The following MCTP1 variants were observed in gnomAD, a reference collection of about 807,000 sequenced individuals.
MCTP1 encodes the protein multiple C2 and transmembrane domain-containing protein 1.
Under a neutral mutation model 120.6 loss-of-function variants are expected in MCTP1, and 69 were observed. The observed-to-expected ratio is 0.57, with a 90% CI of 0.47 to 0.70. The LOEUF (loss-of-function observed/expected upper bound fraction) is 0.70, where lower values mean the gene tolerates loss of function less well. MCTP1 is among the 30% of genes least tolerant of loss of function. The pLI is 0.00. For missense variants in MCTP1, 1,203 were observed against 1,248.8 expected (o/e 0.96, Z 0.55); for synonymous variants, 529 against 493.1 (o/e 1.07, Z -0.96).
chr5:95,001,038 C>A (rs309810), intron 2 of MCTP1, among the ~76,000 whole-genome samples: 97,363 of 152,038 alleles, frequency 0.64, 32,435 homozygotes, highest in Middle Eastern at 0.78. Context: ...GCTGTTCTCA[C>A]GATAGTGAGT....
At chr5:95,258,961 G>A (rs1036276131) in intron 1 of MCTP1, among the ~76,000 whole-genome samples, 1 of 152,132 alleles carries the variant, frequency 6.6e-6, no homozygotes, top group African/African-American at 2.4e-5. Flanking sequence ...TATGGGAGCA[G>A]AAAATGAAGG....
At chr5:95,168,503 C>T (rs909402957) in intron 1 of MCTP1, among the ~76,000 whole-genome samples, 78 of 152,242 alleles carry the variant, frequency 5.1e-4, no homozygotes, top group Non-Finnish European at 4.0e-4. Context: ...GCCATTTTCA[C>T]GATATTGATT....
intron 2 of MCTP1, among the ~76,000 whole-genome samples, chr5:94,992,558 C>T (rs984642816): frequency 6.6e-6 from 1 of 152,216 alleles, no homozygotes; most frequent in African/African-American, 2.4e-5. Context: ...CAATTCCAAT[C>T]TCAAGCTCCT....
At chr5:94,823,763 C>A (rs1246963028) in intron 17 of MCTP1, among the ~76,000 whole-genome samples, 1 of 152,114 alleles carries the variant, frequency 6.6e-6, no homozygotes, top group East Asian at 1.9e-4. Flanking sequence ...CCTTCACATC[C>A]CTTGTAAGCT....
chr5:94,849,941 G>A (rs1292307085), intron 17 of MCTP1, among the ~76,000 whole-genome samples: 1 of 152,102 alleles, frequency 6.6e-6, no homozygotes, highest in African/African-American at 2.4e-5. Context: ...GGTCCTTTTG[G>A]CTTTTAATTA....
intron 1 of MCTP1, among the ~76,000 whole-genome samples, chr5:95,272,104 T>C (rs538135310): frequency 1.2e-3 from 182 of 152,302 alleles, no homozygotes; most frequent in South Asian, 4.8e-3. Context: ...GTGAAAAATA[T>C]GATATGCATG....
intron 17 of MCTP1, among the ~76,000 whole-genome samples, chr5:94,853,023 G>A (rs1198996803): frequency 6.6e-6 from 1 of 151,950 alleles, no homozygotes; most frequent in Non-Finnish European, 1.5e-5. Context: ...GGTTCAGAAA[G>A]CTGCAGTAAT....
intron 2 of MCTP1, among the ~76,000 whole-genome samples, chr5:94,968,647 T>C (rs1287272731): frequency 6.6e-6 from 1 of 152,230 alleles, no homozygotes; most frequent in East Asian, 1.9e-4. Context: ...AATAGCTTCA[T>C]ATGCCAGTGC....
intron 1 of MCTP1, among the ~76,000 whole-genome samples, chr5:95,116,021 G>T (rs895335684): frequency 2.6e-5 from 4 of 151,546 alleles, no homozygotes; most frequent in Admixed American, 2.6e-4. Flanking sequence ...TACTCCAGAA[G>T]AATATGTCTA....
chr5:95,156,684 C>T (rs1286232315), intron 1 of MCTP1, among the ~76,000 whole-genome samples: 3 of 152,146 alleles, frequency 2.0e-5, no homozygotes, highest in African/African-American at 4.8e-5. Context: ...TAATTAGGTG[C>T]CAACTTAAGA....
At chr5:95,211,478 G>T (rs957985452) in intron 1 of MCTP1, among the ~76,000 whole-genome samples, 1 of 152,036 alleles carries the variant, frequency 6.6e-6, no homozygotes, top group Non-Finnish European at 1.5e-5. Context: ...GGCTCCTGAG[G>T]CTTCTGCATT....
intron 17 of MCTP1, chr5:94,867,596 C>T: frequency 2.4e-6 from 1 of 413,994 alleles, no homozygotes; most frequent in East Asian, 3.6e-5. Flanking sequence ...AAAAGAATGA[C>T]TCTACTTAAA....
intron 1 of MCTP1, among the ~76,000 whole-genome samples, chr5:95,139,776 A>G (rs961819854): frequency 6.6e-6 from 1 of 152,230 alleles, no homozygotes; most frequent in African/African-American, 2.4e-5. Context: ...GAGCTCCTTA[A>G]AAGTGAAAAT....
chr5:95,282,816 C>T (rs1245908497), intron 1 of MCTP1, among the ~76,000 whole-genome samples: 1 of 152,164 alleles, frequency 6.6e-6, no homozygotes, highest in Non-Finnish European at 1.5e-5. Flanking sequence ...AACTGAAAGC[C>T]TATCTATTCC....
rs917258699 is a variant in MCTP1, at chr5:94,722,820, A to C, written c.2611-7934T>G. 2.6e-5 allele frequency among the ~76,000 whole-genome samples: 4 copies of C among 152,168 alleles called. No individual in the cohort carries two copies. The East Asian group carries it at 5.8e-4, about 22-fold the overall frequency. On this transcript the variant is annotated intron_variant, in intron 19 of 22. Transcript: ENST00000515393. Reference sequence around the variant, plus strand: ...CTCTTCTTTGGACAAGTATAGACTCACATAGCACAACGTCTAAAATTATGT... The same window carrying C: ...CTCTTCTTTGGACAAGTATAGACTCCCATAGCACAACGTCTAAAATTATGT...
At chr5:94,819,117 T>TCA (rs879560620) in intron 17 of MCTP1, among the ~76,000 whole-genome samples, 5,562 of 145,984 alleles carry the variant, frequency 0.038, 153 homozygotes, top group Middle Eastern at 0.1. Flanking sequence ...ATTTATTTAT[T>TCA]TATTCATTCA....
chr5:94,983,473 G>A (rs891381308), intron 2 of MCTP1, among the ~76,000 whole-genome samples: 1 of 152,090 alleles, frequency 6.6e-6, no homozygotes, highest in South Asian at 2.1e-4. Context: ...CAGTGTATTG[G>A]CTAGAGGCCT....
chr5:95,008,264 T>C (rs915873937), intron 2 of MCTP1, among the ~76,000 whole-genome samples: 3 of 152,168 alleles, frequency 2.0e-5, no homozygotes, highest in Non-Finnish European at 4.4e-5. Context: ...CGCCCATTTC[T>C]GGAAGACATG....
intron 1 of MCTP1, among the ~76,000 whole-genome samples, chr5:95,216,637 A>G (rs889028440): frequency 6.9e-6 from 1 of 144,970 alleles, no homozygotes; most frequent in Non-Finnish European, 1.6e-5. Context: ...TCTAAGAAGT[A>G]GCTATGGCAA....
Sources: allele counts gnomAD v4.1 joint callset (sites outside exome capture counted in the v4.1 genomes callset), GRCh38; gene constraint gnomAD v4.1.1; transcripts MANE v1.5; gene names NCBI Gene and HGNC (gene_info 2026-07-23, HGNC 2026-07-21).